JAK1: variants seen among roughly 807,000 people sequenced by gnomAD.
JAK1 encodes the protein Janus kinase 1.
In JAK1, 16 loss-of-function variants were observed where a neutral mutation model predicts 136.6. The observed-to-expected ratio is 0.12, with a 90% CI of 0.08 to 0.18. The LOEUF (loss-of-function observed/expected upper bound fraction) is 0.18. Among genes scored for constraint, JAK1 ranks in the 10% least tolerant of loss-of-function variants. JAK1 has a pLI of 1.00. For synonymous variants in JAK1, 492 were observed against 519.5 expected (o/e 0.95, Z 0.72); for missense variants, 859 against 1,450.1 (o/e 0.59, Z 6.62).
chr1:64,910,843 CAAAA>C (rs369528546), intron 1 of JAK1, among the ~76,000 whole-genome samples: 1 of 89,288 alleles, frequency 1.1e-5, no homozygotes, highest in Admixed American at 1.2e-4. Context: ...GACTCTGTCT[CAAAA>C]AAAAAAAAAA....
chr1:64,892,769 G>A (rs1369511426), intron 1 of JAK1, among the ~76,000 whole-genome samples: 3 of 152,172 alleles, frequency 2.0e-5, no homozygotes, highest in Non-Finnish European at 4.4e-5. Context: ...CAGTCAACTG[G>A]CCAGTGAGAG....
At chr1:64,971,800 C>T (rs1646454908) in intron 2 of JAK1, among the ~76,000 whole-genome samples, 1 of 152,160 alleles carries the variant, frequency 6.6e-6, no homozygotes, top group African/African-American at 2.4e-5. Context: ...CTCAAGTGAT[C>T]CACCCACCTC....
intron 1 of JAK1, among the ~76,000 whole-genome samples, chr1:64,932,739 T>C (rs1302885952): frequency 6.6e-6 from 1 of 151,924 alleles, no homozygotes; most frequent in African/African-American, 2.4e-5. Flanking sequence ...CAAACTGCAA[T>C]AATCATCCAT....
chr1:64,905,304 A>G (rs1570744812), intron 1 of JAK1, among the ~76,000 whole-genome samples: 1 of 152,146 alleles, frequency 6.6e-6, no homozygotes, highest in African/African-American at 2.4e-5. Context: ...GCTTACGAAA[A>G]CCTGGGAATC....
intron 1 of JAK1, among the ~76,000 whole-genome samples, chr1:65,047,893 G>A (rs1647202436): frequency 6.6e-6 from 1 of 151,956 alleles, no homozygotes; most frequent in Non-Finnish European, 1.5e-5. Flanking sequence ...TGGCTTCTGT[G>A]AAAGAATTGA....
chr1:65,051,372 A>T lies in JAK1; in HGVS notation c.-180-6790T>A, dbSNP rs76595360. 4.3e-4 allele frequency among the ~76,000 whole-genome samples: 65 copies of T among 152,296 alleles called. No individual in the cohort carries two copies. In the East Asian group the frequency reaches 0.012, roughly 27 times the overall value. The stretch of plus-strand genomic sequence containing the variant: ...TAGTCCCTATCAATATAAATCTGGG[A>T]ATTTCTGCCATTCCAGAGGATCTAA... On this transcript the variant is annotated intron_variant, in intron 1 of 25. Transcript: ENST00000671954.
chr1:64,994,086 A>G (rs939337219), intron 2 of JAK1, among the ~76,000 whole-genome samples: 1 of 151,994 alleles, frequency 6.6e-6, no homozygotes, highest in Non-Finnish European at 1.5e-5. Context: ...GACTAGAGAC[A>G]CACACCACCA....
intron 2 of JAK1, chr1:65,004,149 C>T (rs1163695889): frequency 6.6e-6 from 1 of 152,228 alleles, no homozygotes; most frequent in African/African-American, 2.4e-5. Flanking sequence ...CCATGTTGGC[C>T]AGGCTGGTTT....
At chr1:64,852,347 A>AT (rs1655656325) in intron 11 of JAK1, among the ~76,000 whole-genome samples, 1 of 152,184 alleles carries the variant, frequency 6.6e-6, no homozygotes, top group Non-Finnish European at 1.5e-5. Context: ...TTCCCACAAC[A>AT]TACCTGGCCC....
chr1:64,991,678 T>C (rs1012402139), intron 2 of JAK1: 1 of 152,230 alleles, frequency 6.6e-6, no homozygotes, highest in South Asian at 2.1e-4. Context: ...TAAAACTGTA[T>C]CTCTACGACC....
intron 1 of JAK1, among the ~76,000 whole-genome samples, chr1:64,936,392 T>C (rs989619397): frequency 5.9e-5 from 9 of 152,210 alleles, no homozygotes; most frequent in African/African-American, 2.2e-4. Flanking sequence ...CACCCTCCAA[T>C]GCAAGGTAGG....
intron 1 of JAK1, among the ~76,000 whole-genome samples, chr1:64,939,281 A>T (rs1645845503): frequency 6.6e-6 from 1 of 152,228 alleles, no homozygotes; most frequent in Admixed American, 6.5e-5. Flanking sequence ...ACATATAAGC[A>T]CAACTCATAC....
At chr1:64,851,882 A>G (rs1181165093) in intron 11 of JAK1, among the ~76,000 whole-genome samples, 1 of 152,178 alleles carries the variant, frequency 6.6e-6, no homozygotes, top group African/African-American at 2.4e-5. Context: ...CTAGAAGACA[A>G]TAACAAGTTA....
chr1:64,896,386 TACAG>T (rs985433569), intron 1 of JAK1, among the ~76,000 whole-genome samples: 1 of 152,210 alleles, frequency 6.6e-6, no homozygotes, highest in African/African-American at 2.4e-5. Flanking sequence ...TGGGATACAC[TACAG>T]ACTCCAGCCA....
chr1:64,912,528 G>A (rs1381845922), intron 1 of JAK1, among the ~76,000 whole-genome samples: 2 of 152,112 alleles, frequency 1.3e-5, no homozygotes, highest in Admixed American at 6.5e-5. Flanking sequence ...AGATAGTAAT[G>A]GTCACGATCA....
At chr1:65,006,135 T>C (rs1646802166) in intron 2 of JAK1, among the ~76,000 whole-genome samples, 1 of 152,164 alleles carries the variant, frequency 6.6e-6, no homozygotes, top group Non-Finnish European at 1.5e-5. Context: ...AAGTATCTGT[T>C]CCTTATAATG....
rs199618945 is a variant in JAK1 at position 64,860,301 on chromosome 1, C to T, written c.1177-39G>A. 2.6e-6 allele frequency: 4 copies of T among 1,548,222 alleles called. No individual in the cohort carries two copies. The Admixed American group carries it at 5.4e-5, about 21-fold the overall frequency. On this transcript the variant is annotated intron_variant, in intron 8 of 24. Transcript: ENST00000342505. ...AGAAATTCCCACGGTTACATCATGT[C>T]TCTATCAGCTTAAGTGGCTGACTCT... is the stretch of plus-strand genomic sequence containing the variant.
intron 2 of JAK1, among the ~76,000 whole-genome samples, chr1:65,013,504 G>C (rs1646867794): frequency 6.6e-6 from 1 of 152,130 alleles, no homozygotes; most frequent in South Asian, 2.1e-4. Flanking sequence ...TAAAGGGACT[G>C]CTGCTGACCA....
intron 1 of JAK1, among the ~76,000 whole-genome samples, chr1:64,890,254 T>TG (rs1199336877): frequency 6.6e-6 from 1 of 152,060 alleles, no homozygotes; most frequent in Admixed American, 6.5e-5. Context: ...CAGGATTTTT[T>TG]TTTTTTGTCT....
Sources: allele counts gnomAD v4.1 joint callset (sites outside exome capture counted in the v4.1 genomes callset), GRCh38; gene constraint gnomAD v4.1.1; transcripts MANE v1.5; gene names NCBI Gene and HGNC (gene_info 2026-07-23, HGNC 2026-07-21).